The following VPS53 variants were observed in gnomAD, a reference collection of about 807,000 sequenced individuals.
VPS53 encodes the protein vacuolar protein sorting-associated protein 53 homolog.
VPS53 carries 70 observed loss-of-function variants against 107.0 expected under a neutral mutation model. The observed-to-expected ratio is 0.65, with a 90% CI of 0.54 to 0.80. The LOEUF (loss-of-function observed/expected upper bound fraction) is 0.80, where lower values mean the gene tolerates loss of function less well. VPS53 is among the 30% of genes least tolerant of loss of function. The pLI is 0.00. For synonymous variants in VPS53, 409 were observed against 393.3 expected, an observed-to-expected ratio of 1.04 and a Z score of -0.47; for missense variants, 917 against 1,049.4, an observed-to-expected ratio of 0.87 and a Z score of 1.74.
intron 12 of VPS53, among the ~76,000 whole-genome samples, chr17:587,527 A>G (rs1967381887): frequency 6.6e-6 from 1 of 152,182 alleles, no homozygotes; most frequent in Non-Finnish European, 1.5e-5. Flanking sequence ...GCTTTAGGCC[A>G]CTGCAACACT....
chr17:516,263 T>G lies in VPS53; in HGVS notation c.*2865A>C, dbSNP rs1056883007. The G allele has an allele frequency of 1.3e-5, 2 of 152,148 alleles. No individual in the cohort carries two copies. 9.4% of individuals were successfully genotyped at this position (152,148 alleles called of 1,614,324 possible). A position where few individuals can be genotyped will look rare whatever the true frequency, so the allele number is the denominator to read the frequency against. ...CCTTCCATAAAGCAAATCTCTCTGT[T>G]GCAGTGGTTCTTAACAAGGTGTAAA... On this transcript the variant is annotated 3_prime_UTR_variant, in exon 22 of 22. Transcript: ENST00000437048.
chr17:589,617 GA>G (rs1172534848), intron 12 of VPS53, among the ~76,000 whole-genome samples: 3 of 152,106 alleles, frequency 2.0e-5, no homozygotes, highest in African/African-American at 4.8e-5. Flanking sequence ...ATTTTAAAAA[GA>G]AAAAAAGTAA....
intron 11 of VPS53, among the ~76,000 whole-genome samples, chr17:610,127 TCACA>T (rs200106767): frequency 0.025 from 3,391 of 134,496 alleles, 71 homozygotes; most frequent in Middle Eastern, 0.052. Flanking sequence ...TGAGACTCCG[TCACA>T]CACACACACA....
At chr17:598,649 C>A (rs529574468) in intron 12 of VPS53, among the ~76,000 whole-genome samples, 1 of 144,432 alleles carries the variant, frequency 6.9e-6, no homozygotes, top group Non-Finnish European at 1.5e-5. Flanking sequence ...TCTGCCCGGC[C>A]GCGACCCGGT....
At chr17:599,208 G>A (rs1968194480) in intron 12 of VPS53, among the ~76,000 whole-genome samples, 1 of 151,876 alleles carries the variant, frequency 6.6e-6, no homozygotes, top group Non-Finnish European at 1.5e-5. Flanking sequence ...CTACTGGGAA[G>A]TGAGGAGCCC....
Position 519,811 on chromosome 17 carries a change from T to C in VPS53, c.2328+15A>G, listed in dbSNP as rs2034088. On this transcript the variant is annotated intron_variant, in intron 21 of 21. Coordinates refer to ENST00000437048, the MANE Select transcript of VPS53 (RefSeq NM_001128159.3). The surrounding 1 kb of genome is among the most constrained non-coding windows in gnomAD (Gnocchi z 5.0). ...GGGGGATGAGCAGGTGTGGACCAAA[T>C]GTCCCGGCACAAACCTTCATGTCCA... 0.53 allele frequency: 817,263 copies of C among 1,537,704 alleles called. 227,811 individuals carry two copies. The highest frequency in any genetic ancestry group is 0.89 in the African/African-American group (64,854 of 72,858).
chr17:538,129 C>T (rs539506376), intron 17 of VPS53: 2 of 152,442 alleles, frequency 1.3e-5, no homozygotes, highest in East Asian at 3.9e-4. Context: ...TCTTGGACTA[C>T]GTGGCACTTG....
At chr17:535,240 C>T (rs189049501) in intron 18 of VPS53, among the ~76,000 whole-genome samples, 1 of 152,344 alleles carries the variant, frequency 6.6e-6, no homozygotes, top group East Asian at 1.9e-4. Flanking sequence ...GCATCCAATT[C>T]CCAGCGCACT....
chr17:551,557 A>T, intron 17 of VPS53: 1 of 160,660 alleles, frequency 6.2e-6, no homozygotes. Context: ...ACAGAGAGAG[A>T]CCCTGTCTCT....
chr17:543,818 AGGGAGGG>A (rs1567611503), intron 17 of VPS53, among the ~76,000 whole-genome samples: 6 of 27,118 alleles, frequency 2.2e-4, no homozygotes, highest in Non-Finnish European at 2.7e-4. Context: ...GAAGGAAGGG[AGGGAGGG>A]AGGGAGGGAG....
intron 17 of VPS53, chr17:537,612 C>T (rs1910199213): frequency 6.4e-6 from 1 of 155,192 alleles, no homozygotes; most frequent in Non-Finnish European, 1.4e-5. Context: ...GAGGGGAATT[C>T]ACAGACACCT....
At chr17:591,300 T>C (rs1967633468) in intron 12 of VPS53, among the ~76,000 whole-genome samples, 1 of 152,252 alleles carries the variant, frequency 6.6e-6, no homozygotes, top group Non-Finnish European at 1.5e-5. Flanking sequence ...TAGCAGTCTA[T>C]CAATTTTGTT....
At chr17:695,441 G>A (rs1459863657) in intron 4 of VPS53, among the ~76,000 whole-genome samples, 1 of 152,152 alleles carries the variant, frequency 6.6e-6, no homozygotes, top group Non-Finnish European at 1.5e-5. Flanking sequence ...CACAGGTCCA[G>A]AAAGCACAGG....
At chr17:613,890 T>C (rs964590703) in intron 11 of VPS53, among the ~76,000 whole-genome samples, 24 of 152,260 alleles carry the variant, frequency 1.6e-4, no homozygotes, top group African/African-American at 5.8e-4. Context: ...CCACAGCTGA[T>C]GGAAGAGACA....
At chr17:665,280 TG>T (rs1971634610) in intron 4 of VPS53, among the ~76,000 whole-genome samples, 1 of 151,452 alleles carries the variant, frequency 6.6e-6, no homozygotes, top group South Asian at 2.1e-4. Flanking sequence ...CAGGACGACA[TG>T]GTGAGAAGGC....
intron 7 of VPS53, among the ~76,000 whole-genome samples, chr17:650,741 C>T (rs939234747): frequency 6.6e-6 from 1 of 152,104 alleles, no homozygotes; most frequent in African/African-American, 2.4e-5. Flanking sequence ...CAGAATCTGT[C>T]CCAGAGAAAT....
chr17:559,846 T>G (rs1338786258), intron 15 of VPS53, among the ~76,000 whole-genome samples: 2 of 152,252 alleles, frequency 1.3e-5, no homozygotes, highest in African/African-American at 4.8e-5. Context: ...TTATTCTGGG[T>G]CTTCCTTCTG....
Position 703,929 on chromosome 17 carries a change from C to A in VPS53, c.169-4549G>T, listed in dbSNP as rs182519122. Among the ~76,000 whole-genome samples, 94 of 152,106 alleles carry A rather than the reference C, an allele frequency of 6.2e-4. No individual in the cohort carries two copies. The Middle Eastern group carries it at 0.014, about 22-fold the overall frequency. On this transcript the variant is annotated intron_variant, in intron 2 of 21. Transcript: ENST00000437048. ...GATCCTCCTGCCTCAGTGATCCACCCGCCTTGGTCTCCCAAAGTGCTGGGA... is the reference window on the plus strand; with the variant it reads ...GATCCTCCTGCCTCAGTGATCCACCAGCCTTGGTCTCCCAAAGTGCTGGGA...
chr17:567,829 C>T (rs575621696), intron 13 of VPS53, among the ~76,000 whole-genome samples: 2 of 148,786 alleles, frequency 1.3e-5, no homozygotes, highest in South Asian at 4.2e-4. Context: ...TTTGAGGTTA[C>T]AGTGAGCTAT....
Sources: allele counts gnomAD v4.1 joint callset (sites outside exome capture counted in the v4.1 genomes callset), GRCh38; gene constraint gnomAD v4.1.1; non-coding constraint Gnocchi (gnomAD v3.1); transcripts MANE v1.5; gene names NCBI Gene and HGNC (gene_info 2026-07-23, HGNC 2026-07-21).